Variants in IL15 observed in about 807,000 individuals in gnomAD.
The protein encoded by IL15 is interleukin 15.
A neutral mutation model predicts 19.6 loss-of-function variants in IL15; 11 were observed. The ratio of observed to expected loss-of-function variants is 0.56; its 90% confidence interval spans 0.35 to 0.93. The LOEUF is 0.93. Among genes scored for constraint, IL15 ranks in the 40% least tolerant of loss-of-function variants. The probability of loss-of-function intolerance (pLI) is 0.01; values close to 1 mark genes in which losing one functional copy is unlikely to be tolerated. For missense variants in IL15, 197 were observed against 186.5 expected, an observed-to-expected ratio of 1.06 and a Z score of -0.33; for synonymous variants, 58 against 59.6, an observed-to-expected ratio of 0.97 and a Z score of 0.12.
At chr4:141,673,410 C>A (rs184283161) in intron 2 of IL15, among the ~76,000 whole-genome samples, 1 of 152,132 alleles carries the variant, frequency 6.6e-6, no homozygotes, top group East Asian at 1.9e-4. Flanking sequence ...TTTTGTAGTT[C>A]CCTAGCAAAT....
intron 2 of IL15, among the ~76,000 whole-genome samples, chr4:141,666,811 C>T (rs984879119): frequency 6.6e-6 from 1 of 152,192 alleles, no homozygotes; most frequent in African/African-American, 2.4e-5. Context: ...AGGGGTCCTG[C>T]ACCATACCCA....
Position 141,726,007 on chromosome 4 carries a change from C to G in IL15, c.196-1933C>G, listed in dbSNP as rs1042469851. Among the ~76,000 whole-genome samples, 4 of 152,184 alleles carry G rather than the reference C, an allele frequency of 2.6e-5. No homozygotes were observed. In the South Asian group the frequency reaches 8.3e-4, roughly 32 times the overall value. On this transcript the variant is annotated intron_variant, in intron 5 of 7. Transcript: ENST00000320650. ...TACTCATGTGCTAGCTCAGGTCTCTCTTCCTCTTCTTATAAAACTACCGGT... is the reference window on the plus strand; with the variant it reads ...TACTCATGTGCTAGCTCAGGTCTCTGTTCCTCTTCTTATAAAACTACCGGT...
At chr4:141,656,397 T>C (rs1223273055) in intron 2 of IL15, 90 bp downstream of exon 2, 11 of 395,178 alleles carry the variant, frequency 2.8e-5, no homozygotes, top group Admixed American at 2.7e-4. Context: ...GCAAAACAGG[T>C]GAAGTTATAT....
chr4:141,669,888 G>T (rs1432132548), intron 2 of IL15, among the ~76,000 whole-genome samples: 1 of 151,556 alleles, frequency 6.6e-6, no homozygotes, highest in East Asian at 1.9e-4. Flanking sequence ...CTGAGATATT[G>T]GGTCTAGAAA....
chr4:141,667,478 G>A (rs1442957793), intron 2 of IL15, among the ~76,000 whole-genome samples: 4 of 152,102 alleles, frequency 2.6e-5, no homozygotes, highest in African/African-American at 4.8e-5. Flanking sequence ...GGTCACAGAA[G>A]TTTTCTGTAT....
At chr4:141,717,062 C>T (rs1279306275) in intron 2 of IL15, 2 of 151,982 alleles carry the variant, frequency 1.3e-5, no homozygotes, top group Non-Finnish European at 2.9e-5. Context: ...GAAGTCACAC[C>T]CATATTTGAT....
intron 3 of IL15, among the ~76,000 whole-genome samples, 177 bp from the exon 4 acceptor site, chr4:141,720,292 G>A (rs1730029557): frequency 6.6e-6 from 1 of 152,052 alleles, no homozygotes; most frequent in South Asian, 2.1e-4. Context: ...CAGAGTTGGA[G>A]GTGGGAGAGA....
At chr4:141,653,871 C>T (rs1454114716) in intron 1 of IL15, among the ~76,000 whole-genome samples, 1 of 152,130 alleles carries the variant, frequency 6.6e-6, no homozygotes, top group Non-Finnish European at 1.5e-5. Context: ...ATGAGATGTT[C>T]AATATCCAAA....
chr4:141,659,560 CAG>C (rs1727722335), intron 2 of IL15, among the ~76,000 whole-genome samples: 1 of 152,108 alleles, frequency 6.6e-6, no homozygotes, highest in African/African-American at 2.4e-5. Context: ...AAAAAAGAAG[CAG>C]GGGGAAATTT....
chr4:141,716,831 A>C (rs1186175879), intron 2 of IL15: 3 of 152,280 alleles, frequency 2.0e-5, no homozygotes, highest in Admixed American at 6.5e-5. Context: ...CAGGATGCAG[A>C]ATATGGAGTG....
chr4:141,670,497 T>A (rs1348153707), intron 2 of IL15, among the ~76,000 whole-genome samples: 8 of 152,216 alleles, frequency 5.3e-5, no homozygotes, highest in Non-Finnish European at 7.4e-5. Context: ...AAACTAACCA[T>A]AATTAATGAG....
At chr4:141,647,333 A>T (rs931765422) in intron 1 of IL15, among the ~76,000 whole-genome samples, 2 of 152,088 alleles carry the variant, frequency 1.3e-5, no homozygotes, top group African/African-American at 2.4e-5. Context: ...GATTTTGGAA[A>T]TATCACGATT....
At chr4:141,687,630 AATTGTTTTAC>A (rs1728752428) in intron 2 of IL15, among the ~76,000 whole-genome samples, 1 of 152,128 alleles carries the variant, frequency 6.6e-6, no homozygotes, top group African/African-American at 2.4e-5. Flanking sequence ...CACTTACCCG[AATTGTTTTAC>A]TCTTTCATTG....
At chr4:141,650,630 C>T (rs1441291234) in intron 1 of IL15, among the ~76,000 whole-genome samples, 2 of 152,068 alleles carry the variant, frequency 1.3e-5, no homozygotes, top group Admixed American at 1.3e-4. Flanking sequence ...TTTCTCTGCA[C>T]TTATTATTCT....
chr4:141,663,044 A>T (rs934011386), intron 2 of IL15, among the ~76,000 whole-genome samples: 2 of 152,162 alleles, frequency 1.3e-5, no homozygotes, highest in Non-Finnish European at 2.9e-5. Flanking sequence ...TAAAAAAGTA[A>T]CTCATTAAAA....
rs114584799 is a variant in IL15 at position 141,692,254 on chromosome 4, T to G, written c.-99-27112T>G. ...GGGCCCTGGGCCTGGCCCACAAAAC[T>G]GTTTTTATTTTCCTAGGCCTCCAGG... On this transcript the variant is annotated intron_variant, in intron 2 of 7. Coordinates refer to ENST00000320650, the MANE Select transcript of IL15 (RefSeq NM_000585.5). Among the ~76,000 whole-genome samples, 1,255 of 152,320 alleles carry G rather than the reference T, an allele frequency of 8.2e-3. 6 individuals are homozygous for G. Among genetic ancestry groups the G allele is most frequent in the Middle Eastern group, 0.027 (8 of 294 alleles).
At chr4:141,703,755 G>T (rs1227420466) in intron 2 of IL15, among the ~76,000 whole-genome samples, 1 of 129,368 alleles carries the variant, frequency 7.7e-6, no homozygotes, top group Non-Finnish European at 1.7e-5. Flanking sequence ...AAAAAAAAAA[G>T]GTGTATAGAT....
chr4:141,712,447 T>A (rs1714074189), intron 2 of IL15, among the ~76,000 whole-genome samples: 1 of 151,928 alleles, frequency 6.6e-6, no homozygotes, highest in Admixed American at 6.6e-5. Context: ...CAAGTGACAA[T>A]AGCCCATGAA....
At chr4:141,674,663 T>C (rs75738173) in intron 2 of IL15, among the ~76,000 whole-genome samples, 1,768 of 152,256 alleles carry the variant, frequency 0.012, 36 homozygotes, top group African/African-American at 0.04. Context: ...TAACAGCATA[T>C]TAATTTATTG....
Sources: gnomAD v4.1 joint callset for allele counts (sites outside exome capture counted in the v4.1 genomes callset) on GRCh38, gnomAD v4.1.1 for gene constraint, MANE v1.5 for transcripts, NCBI Gene and HGNC (gene_info 2026-07-23, HGNC 2026-07-21) for gene names.